The following ADAT1 variants were observed in gnomAD, a reference collection of about 807,000 sequenced individuals.
ADAT1 encodes the protein tRNA-specific adenosine deaminase 1.
ADAT1 carries 58 observed loss-of-function variants against 58.6 expected under a neutral mutation model. The observed-to-expected ratio is 0.99, with a 90% confidence interval of 0.80 to 1.23. ADAT1 has a LOEUF of 1.23. Among genes scored for constraint, ADAT1 ranks in the 50% most tolerant of loss-of-function variants. The pLI is 0.00. For synonymous variants in ADAT1, 254 were observed against 220.8 expected (o/e 1.15, Z -1.33); for missense variants, 741 against 608.6 (o/e 1.22, Z -2.29).
intron 5 of ADAT1, 105 bp from the exon 6 acceptor site, chr16:75,612,966 C>T (rs1467744647): frequency 2.2e-6 from 3 of 1,384,080 alleles, no homozygotes; most frequent in Non-Finnish European, 1.9e-6. Context: ...ACTCTTGGGA[C>T]CCACAGTAGA....
At chr16:75,607,982 T>C (rs1852070242) in intron 8 of ADAT1, among the ~76,000 whole-genome samples, 1 of 152,190 alleles carries the variant, frequency 6.6e-6, no homozygotes, top group Admixed American at 6.5e-5. Flanking sequence ...AGAAGCCAGA[T>C]ACAAAAGGTC....
At position 75,598,959 on chromosome 16, in the gene ADAT1, G is replaced by A; in HGVS notation, c.*1257C>T. On this transcript the variant is annotated 3_prime_UTR_variant, in exon 10 of 10. Coordinates refer to ENST00000564657, the MANE Select transcript of ADAT1 (RefSeq NM_001324445.2). ...AGGACCTTGAGTAACCCCAACATGG[G>A]AGCTTCCATTTTCAGTCAATCATTC... 1.0e-6 allele frequency: 1 copy of A among 985,316 alleles called. No homozygotes were observed. Among genetic ancestry groups the A allele is most frequent in the Non-Finnish European group, 1.2e-6 (1 of 829,922 alleles). The allele number at this position is 985,316 out of a possible 1,614,324, so 61.0% of individuals were successfully genotyped here.
intron 8 of ADAT1, among the ~76,000 whole-genome samples, chr16:75,604,043 G>C (rs1391471320): frequency 1.3e-5 from 2 of 152,126 alleles, no homozygotes; most frequent in African/African-American, 2.4e-5. Context: ...TAGCTGGAGT[G>C]GCTGCTGGCA....
chr16:75,620,241 T>G, intron 3 of ADAT1, 25 bp downstream of exon 3: 1 of 1,612,238 alleles, frequency 6.2e-7, no homozygotes, highest in Non-Finnish European at 8.5e-7. Context: ...GCTAAATCTT[T>G]GTTTAGATTC....
chr16:75,608,805 G>A (rs1305162739), intron 7 of ADAT1, 38 bp downstream of exon 7: 6 of 1,590,918 alleles, frequency 3.8e-6, no homozygotes, highest in East Asian at 2.2e-5. Context: ...AGTCAGGGGA[G>A]CAGTTACTCC....
At chr16:75,605,433 CTTTATT>C (rs1567465995) in intron 8 of ADAT1, among the ~76,000 whole-genome samples, 1 of 152,002 alleles carries the variant, frequency 6.6e-6, no homozygotes, top group African/African-American at 2.4e-5. Flanking sequence ...TTTTAGTTTG[CTTTATT>C]TTAAGAATAT....
chr16:75,600,341 T>G lies in ADAT1; in HGVS notation c.1384A>C (p.Lys462Gln). ...DKWPHSLRVQKLDTYQEYKEA... is the reference protein window; with the variant it reads ...DKWPHSLRVQQLDTYQEYKEA... ...TTGTACTCCTGGTAGGTATCCAGCT[T>G]CTGCACCCTAATGCACACAGGCCAC... Residue 462 changes from lysine (K) to glutamine (Q), a missense_variant, in exon 10 of 10, where the codon AAG becomes CAG. By Grantham distance (53) the Lys-to-Gln change is moderately conservative. Coordinates refer to ENST00000564657, the MANE Select transcript of ADAT1 (RefSeq NM_001324445.2). 1 of 1,613,630 alleles carries G rather than the reference T, an allele frequency of 6.2e-7. No homozygotes were observed. Among genetic ancestry groups the G allele is most frequent in the Non-Finnish European group, 8.5e-7 (1 of 1,179,992 alleles).
intron 8 of ADAT1, among the ~76,000 whole-genome samples, chr16:75,603,413 G>A (rs1014419239): frequency 3.3e-5 from 5 of 152,090 alleles, no homozygotes; most frequent in African/African-American, 1.2e-4. Flanking sequence ...AGCCCAAACG[G>A]GTACCCTGAG....
chr16:75,613,421 C>T (rs1209562729), intron 5 of ADAT1, among the ~76,000 whole-genome samples: 1 of 152,170 alleles, frequency 6.6e-6, no homozygotes, highest in African/African-American at 2.4e-5. Flanking sequence ...CCTGCTTCAG[C>T]CTCCCGAGTA....
chr16:75,605,152 G>T (rs532716503), intron 8 of ADAT1, among the ~76,000 whole-genome samples: 2 of 152,198 alleles, frequency 1.3e-5, no homozygotes, highest in Admixed American at 6.6e-5. Flanking sequence ...GTGCAGTGGC[G>T]TGATCTCGGC....
At position 75,609,199 on chromosome 16, in the gene ADAT1, G is replaced by C. The variant is rs138921988; in HGVS notation, c.1044-211C>G. On this transcript the variant is annotated intron_variant, in intron 6 of 9. Transcript: ENST00000564657. ...TCCCTCAATCTGCAGGGATAACTAA[G>C]AATCAAGTCAACACCCTTCAGGGAT... is the stretch of plus-strand genomic sequence containing the variant. 2.6e-5 allele frequency among the ~76,000 whole-genome samples: 4 copies of C among 152,254 alleles called. No individual in the cohort carries two copies. In the East Asian group the frequency reaches 7.7e-4, roughly 29 times the overall value.
intron 6 of ADAT1, among the ~76,000 whole-genome samples, chr16:75,610,414 A>G (rs2081495549): frequency 6.6e-6 from 1 of 151,728 alleles, no homozygotes; most frequent in South Asian, 2.1e-4. Context: ...CTCCCACATC[A>G]GCTCCCCATG....
At chr16:75,601,234 G>C (rs1209453029) in intron 9 of ADAT1, among the ~76,000 whole-genome samples, 1 of 151,874 alleles carries the variant, frequency 6.6e-6, no homozygotes, top group Non-Finnish European at 1.5e-5. Context: ...CAGCTACCTG[G>C]GAGGCTGAGG....
At chr16:75,620,206 A>C (rs2081886535) in intron 3 of ADAT1, 60 bp downstream of exon 3, 2 of 1,538,026 alleles carry the variant, frequency 1.3e-6, no homozygotes, top group Admixed American at 3.3e-5. Context: ...TGACAAGGAG[A>C]GTAAAACATG....
intron 2 of ADAT1, 84 bp from the exon 3 acceptor site, chr16:75,620,418 T>C (rs2081894583): frequency 6.6e-7 from 1 of 1,506,080 alleles, no homozygotes; most frequent in East Asian, 2.3e-5. Context: ...CACACTCCTC[T>C]AGGGGATTCC....
chr16:75,619,524 TA>T (rs57722018), intron 3 of ADAT1: 30,419 of 339,024 alleles, frequency 0.09, no homozygotes, highest in South Asian at 0.13. Context: ...CCCTGTCTCT[TA>T]AAAAAAAAAA....
intron 8 of ADAT1, 29 bp downstream of exon 8, chr16:75,608,195 C>T (rs916373380): frequency 1.3e-6 from 2 of 1,585,616 alleles, no homozygotes; most frequent in African/African-American, 1.3e-5. Flanking sequence ...TTCACAGCCA[C>T]CATCTCCTCC....
chr16:75,611,288 T>C (rs1247324058), intron 6 of ADAT1, among the ~76,000 whole-genome samples: 2 of 152,238 alleles, frequency 1.3e-5, no homozygotes, highest in African/African-American at 2.4e-5. Context: ...CATCCTCTTA[T>C]AATTTTTCTT....
At chr16:75,602,550 T>A (rs758707799) in intron 9 of ADAT1, among the ~76,000 whole-genome samples, 4 of 152,148 alleles carry the variant, frequency 2.6e-5, no homozygotes, top group Non-Finnish European at 4.4e-5. Context: ...TTCCTTAACT[T>A]GTGGTAGTTG....
Sources: allele counts gnomAD v4.1 joint callset (sites outside exome capture counted in the v4.1 genomes callset), GRCh38; gene constraint gnomAD v4.1.1; transcripts MANE v1.5; gene names NCBI Gene and HGNC (gene_info 2026-07-23, HGNC 2026-07-21).